The following IL1RAPL2 variants were observed in gnomAD, a reference collection of about 807,000 sequenced individuals.
The protein encoded by IL1RAPL2 is X-linked interleukin-1 receptor accessory protein-like 2.
Under a neutral mutation model 44.1 loss-of-function variants are expected in IL1RAPL2, and 3 were observed. The observed-to-expected ratio is 0.07, with a 90% CI of 0.03 to 0.18. The LOEUF (loss-of-function observed/expected upper bound fraction) is 0.18, where lower values mean the gene tolerates loss of function less well. Among genes scored for constraint, IL1RAPL2 ranks in the 10% least tolerant of loss-of-function variants. IL1RAPL2 has a pLI of 1.00. For synonymous variants in IL1RAPL2, 181 were observed against 178.8 expected (o/e 1.01, Z -0.10); for missense variants, 391 against 496.4 (o/e 0.79, Z 2.02).
chrX:104,916,970 C>G (rs1027143379), intron 2 of IL1RAPL2, among the ~76,000 whole-genome samples: 9 of 111,546 alleles, frequency 8.1e-5, no homozygotes, highest in Non-Finnish European at 1.7e-4. Flanking sequence ...ATTCGGTTTG[C>G]CAGTATTTTA....
At chrX:105,712,950 G>A (rs940233728) in intron 6 of IL1RAPL2, among the ~76,000 whole-genome samples, 1 of 111,989 alleles carries the variant, frequency 8.9e-6, no homozygotes, top group Middle Eastern at 4.6e-3. Context: ...CTGAAACCTG[G>A]CCAGGCCATC....
chrX:104,624,877 G>T (rs1569283419), intron 1 of IL1RAPL2, among the ~76,000 whole-genome samples: 3 of 111,229 alleles, frequency 2.7e-5, no homozygotes, highest in Non-Finnish European at 5.7e-5. Flanking sequence ...CACTAGCATA[G>T]AAAGATGTTC....
intron 2 of IL1RAPL2, among the ~76,000 whole-genome samples, chrX:105,005,040 C>T (rs1287548517): frequency 9.0e-6 from 1 of 110,968 alleles, no homozygotes; most frequent in Non-Finnish European, 1.9e-5. Flanking sequence ...TTCAGCCTTC[C>T]TCCCTCTACA....
intron 5 of IL1RAPL2, among the ~76,000 whole-genome samples, chrX:105,422,538 T>A (rs1461497762): frequency 8.9e-6 from 1 of 111,975 alleles, no homozygotes; most frequent in East Asian, 2.8e-4. Flanking sequence ...ATATTAAGAA[T>A]ACTCATAAAT....
intron 5 of IL1RAPL2, among the ~76,000 whole-genome samples, chrX:105,447,356 AAT>A (rs2035972570): frequency 3.0e-5 from 2 of 66,289 alleles, no homozygotes; most frequent in Non-Finnish European, 5.0e-5. Context: ...TAAATATATA[AAT>A]ATATAAATAT....
At chrX:104,971,117 G>A (rs1043462361) in intron 2 of IL1RAPL2, among the ~76,000 whole-genome samples, 2 of 111,856 alleles carry the variant, frequency 1.8e-5, no homozygotes, top group African/African-American at 6.5e-5. Flanking sequence ...GGAGGCTGAG[G>A]CGGGAGGATC....
rs759595445 is a variant in IL1RAPL2 at position 105,154,739 on chromosome X, CTTTATAAATGCA to C, written c.83-40728_83-40717del. On this transcript the variant is annotated intron_variant, in intron 2 of 10. Coordinates refer to ENST00000372582, the MANE Select transcript of IL1RAPL2 (RefSeq NM_017416.2). ...TTTTATTTTTTTCTTCATTCTTTCT[CTTTATAAATGCA>C]TTTATAATCATGGCTCCAGTGAATA... Among the ~76,000 whole-genome samples the C allele has an allele frequency of 2.8e-3, 317 of 111,230 alleles. 2 individuals are homozygous for C. The highest frequency in any genetic ancestry group is 5.0e-3 in the Non-Finnish European group (266 of 52,972).
At chrX:105,458,648 A>G (rs1221973698) in intron 5 of IL1RAPL2, among the ~76,000 whole-genome samples, 1 of 111,199 alleles carries the variant, frequency 9.0e-6, no homozygotes, top group African/African-American at 3.3e-5. Flanking sequence ...TGGCCATCTC[A>G]TTACCCAGTT....
intron 5 of IL1RAPL2, among the ~76,000 whole-genome samples, chrX:105,388,356 A>ATTTTTTTTTTTTTTTTTTTTTT (rs772573698): frequency 1.6e-5 from 1 of 61,269 alleles, no homozygotes; most frequent in African/African-American, 1.0e-4. Flanking sequence ...ACCAAAGCAG[A>ATTTTTTTTTTTTTTTTTTTTTT]TTTTTTTTTT....
At chrX:105,704,396 C>T (rs773528082) in intron 6 of IL1RAPL2, among the ~76,000 whole-genome samples, 6 of 111,388 alleles carry the variant, frequency 5.4e-5, no homozygotes, top group Admixed American at 9.6e-5. Flanking sequence ...TGTAATGGTA[C>T]CATACATAGG....
At chrX:105,397,188 G>T (rs1414407490) in intron 5 of IL1RAPL2, among the ~76,000 whole-genome samples, 1 of 110,688 alleles carries the variant, frequency 9.0e-6, no homozygotes, top group Non-Finnish European at 1.9e-5. Flanking sequence ...ATTATGATGG[G>T]TTGTGTAATT....
intron 2 of IL1RAPL2, among the ~76,000 whole-genome samples, chrX:105,024,968 T>C (rs758075345): frequency 4.5e-5 from 5 of 110,083 alleles, no homozygotes; most frequent in African/African-American, 9.9e-5. Flanking sequence ...TGCCTACTTA[T>C]AGCAAGTCAG....
intron 7 of IL1RAPL2, 105 bp from the exon 8 acceptor site, chrX:105,740,441 C>A: frequency 2.5e-6 from 2 of 786,983 alleles, no homozygotes; most frequent in Admixed American, 2.7e-5. Flanking sequence ...TCTCCACGCC[C>A]ATCATCAGAG....
chrX:104,625,106 C>T (rs1031197020), intron 1 of IL1RAPL2, among the ~76,000 whole-genome samples: 18 of 111,558 alleles, frequency 1.6e-4, no homozygotes, highest in Admixed American at 3.9e-4. Context: ...CTATTAACAA[C>T]ATACTTTGAA....
intron 2 of IL1RAPL2, among the ~76,000 whole-genome samples, chrX:104,924,527 A>G (rs752262158): frequency 5.3e-5 from 6 of 112,219 alleles, no homozygotes; most frequent in African/African-American, 1.6e-4. Flanking sequence ...GAATAAAATT[A>G]GAAATTATTA....
chrX:104,684,448 C>G lies in IL1RAPL2; in HGVS notation c.82+25453C>G, dbSNP rs749964901. 2.7e-5 allele frequency among the ~76,000 whole-genome samples: 3 copies of G among 111,478 alleles called. No individual in the cohort carries two copies. The East Asian group carries it at 8.5e-4, about 32-fold the overall frequency. Reference sequence around the variant, plus strand: ...GAACCAACATCAATTTTCTAAAACCCCTAATGTACATCTCCTTACTGGTTC... The same window carrying G: ...GAACCAACATCAATTTTCTAAAACCGCTAATGTACATCTCCTTACTGGTTC... On this transcript the variant is annotated intron_variant, in intron 2 of 10. Transcript: ENST00000372582.
chrX:104,674,821 T>C (rs1423989044), intron 2 of IL1RAPL2, among the ~76,000 whole-genome samples: 14 of 111,384 alleles, frequency 1.3e-4, no homozygotes, highest in East Asian at 5.7e-4. Context: ...CTGGTTTAGT[T>C]TTGGGAGAGT....
intron 5 of IL1RAPL2, among the ~76,000 whole-genome samples, chrX:105,464,932 T>C (rs1431897054): frequency 9.0e-6 from 1 of 111,208 alleles, no homozygotes; most frequent in Non-Finnish European, 1.9e-5. Context: ...CTTTGGGATA[T>C]GGGGGAAAAT....
chrX:105,190,227 G>C (rs1314348815), intron 2 of IL1RAPL2, among the ~76,000 whole-genome samples: 2 of 111,343 alleles, frequency 1.8e-5, no homozygotes, highest in Admixed American at 9.6e-5. Flanking sequence ...TTCACTGGGT[G>C]GGGGGATGGG....
Sources: gnomAD v4.1 joint callset for allele counts (sites outside exome capture counted in the v4.1 genomes callset) on GRCh38, gnomAD v4.1.1 for gene constraint, MANE v1.5 for transcripts, NCBI Gene and HGNC (gene_info 2026-07-23, HGNC 2026-07-21) for gene names.